The following SH3GL3 variants were observed in gnomAD, a reference collection of about 807,000 sequenced individuals.
SH3GL3 encodes the protein SH3 domain containing GRB2 like 3, endophilin A3.
Under a neutral mutation model 47.7 loss-of-function variants are expected in SH3GL3, and 33 were observed. The observed-to-expected ratio is 0.69, with a 90% CI of 0.52 to 0.92. SH3GL3 has a LOEUF of 0.92. Ranked by LOEUF, SH3GL3 falls within the 40% of genes least tolerant of loss-of-function variation. The pLI is 0.00. For missense variants in SH3GL3, 363 were observed against 417.8 expected (o/e 0.87, Z 1.14); for synonymous variants, 155 against 148.8 (o/e 1.04, Z -0.30).
At chr15:83,518,600 T>A (rs1356002873) in intron 1 of SH3GL3, among the ~76,000 whole-genome samples, 1 of 152,246 alleles carries the variant, frequency 6.6e-6, no homozygotes, top group East Asian at 1.9e-4. Flanking sequence ...GTTTTTTGCT[T>A]GTGCAATTGT....
chr15:83,589,921 G>A (rs2060050782), intron 8 of SH3GL3, among the ~76,000 whole-genome samples: 1 of 152,092 alleles, frequency 6.6e-6, no homozygotes, highest in Non-Finnish European at 1.5e-5. Context: ...ATTAAAGCAT[G>A]AACACCTGCT....
Position 83,472,720 on chromosome 15 carries a change from T to G in SH3GL3, c.45+25142T>G, listed in dbSNP as rs182768330. On this transcript the variant is annotated intron_variant, in intron 1 of 8. Transcript: ENST00000427482. ...GCATCTACTGATTGTCTTTTCTCAT[T>G]CAACTAGAAATCTTCCTGGGTCTTG... Among the ~76,000 whole-genome samples, 21 of 152,338 alleles carry G rather than the reference T, an allele frequency of 1.4e-4. No individual in the cohort carries two copies. The East Asian group carries it at 3.7e-3, about 27-fold the overall frequency.
chr15:83,473,898 C>T, intron 1 of SH3GL3, among the ~76,000 whole-genome samples: 1 of 150,356 alleles, frequency 6.7e-6, no homozygotes, highest in Non-Finnish European at 1.5e-5. Context: ...GTGTTGCTGG[C>T]TTCTTCAGCT....
chr15:83,605,840 G>A (rs2060501861), intron 8 of SH3GL3, among the ~76,000 whole-genome samples: 1 of 152,096 alleles, frequency 6.6e-6, no homozygotes, highest in Non-Finnish European at 1.5e-5. Flanking sequence ...AGGAGGCCAG[G>A]AAACATCCTT....
chr15:83,458,604 C>T (rs979975639), intron 1 of SH3GL3, among the ~76,000 whole-genome samples: 1 of 152,184 alleles, frequency 6.6e-6, no homozygotes, highest in African/African-American at 2.4e-5. Context: ...GTCCACCTTT[C>T]TTTCTTCTGG....
intron 1 of SH3GL3, among the ~76,000 whole-genome samples, chr15:83,506,098 G>A (rs1037629164): frequency 1.6e-4 from 24 of 151,740 alleles, no homozygotes; most frequent in Middle Eastern, 3.4e-3. Flanking sequence ...GGTTTTTTTC[G>A]TAGTTGATTT....
downstream of SH3GL3, among the ~76,000 whole-genome samples, chr15:83,620,850 T>G (rs1195162098): frequency 6.6e-6 from 1 of 152,374 alleles, no homozygotes; most frequent in Non-Finnish European, 1.5e-5. Flanking sequence ...CATCTTCCCA[T>G]GTAAGGCTAT....
chr15:83,521,996 G>A (rs528738169), intron 1 of SH3GL3, among the ~76,000 whole-genome samples: 4 of 152,194 alleles, frequency 2.6e-5, no homozygotes, highest in East Asian at 1.9e-4. Flanking sequence ...GTGCTATGTC[G>A]GGGAGAGGAC....
chr15:83,555,520 G>T (rs147268466), intron 1 of SH3GL3, among the ~76,000 whole-genome samples: 80 of 151,978 alleles, frequency 5.3e-4, no homozygotes, highest in Non-Finnish European at 9.6e-4. Flanking sequence ...CAAGGCCCCA[G>T]TACAAAACCG....
intron 8 of SH3GL3, among the ~76,000 whole-genome samples, chr15:83,602,515 A>G (rs536303800): frequency 2.4e-4 from 37 of 152,306 alleles, no homozygotes; most frequent in African/African-American, 7.9e-4. Flanking sequence ...TAAGGGCACA[A>G]ATCCTACTCA....
chr15:83,594,600 C>T (rs2060193073), intron 8 of SH3GL3, among the ~76,000 whole-genome samples: 1 of 152,192 alleles, frequency 6.6e-6, no homozygotes, highest in South Asian at 2.1e-4. Flanking sequence ...CCTCACATCT[C>T]CTTCGGCCTC....
intron 1 of SH3GL3, among the ~76,000 whole-genome samples, chr15:83,461,373 C>A (rs2040291188): frequency 6.6e-6 from 1 of 152,068 alleles, no homozygotes; most frequent in African/African-American, 2.4e-5. Context: ...CAAGATCAAA[C>A]AGAGCAACAG....
chr15:83,470,911 C>G (rs1443973883), intron 1 of SH3GL3, among the ~76,000 whole-genome samples: 1 of 152,046 alleles, frequency 6.6e-6, no homozygotes, highest in Non-Finnish European at 1.5e-5. Flanking sequence ...AACTAACCTC[C>G]CTTTGTCTTC....
chr15:83,584,735 G>A (rs985406276), intron 6 of SH3GL3, among the ~76,000 whole-genome samples: 1 of 152,204 alleles, frequency 6.6e-6, no homozygotes, highest in Non-Finnish European at 1.5e-5. Flanking sequence ...ACATTTTCAT[G>A]GGTGAGGTCA....
At chr15:83,512,492 C>A (rs528267254) in intron 1 of SH3GL3, among the ~76,000 whole-genome samples, 1 of 152,124 alleles carries the variant, frequency 6.6e-6, no homozygotes, top group Non-Finnish European at 1.5e-5. Flanking sequence ...CCTGGAAGCG[C>A]GCTGCTTTCT....
intron 1 of SH3GL3, among the ~76,000 whole-genome samples, chr15:83,549,079 G>A (rs1303915183): frequency 6.6e-6 from 1 of 151,906 alleles, no homozygotes; most frequent in Non-Finnish European, 1.5e-5. Context: ...CTTAATTTTA[G>A]TTATTGGATT....
At chr15:83,464,076 C>T (rs559650036) in intron 1 of SH3GL3, among the ~76,000 whole-genome samples, 2 of 152,224 alleles carry the variant, frequency 1.3e-5, no homozygotes, top group East Asian at 3.9e-4. Flanking sequence ...GCTTTCTTAT[C>T]TATTGTCTTC....
chr15:83,526,573 C>A (rs963377579), intron 1 of SH3GL3, among the ~76,000 whole-genome samples: 6 of 152,018 alleles, frequency 3.9e-5, no homozygotes, highest in African/African-American at 1.2e-4. Flanking sequence ...AACAAAAAAC[C>A]AAAAACTGCA....
intron 1 of SH3GL3, among the ~76,000 whole-genome samples, chr15:83,488,864 C>T (rs2041735483): frequency 6.6e-6 from 1 of 152,172 alleles, no homozygotes; most frequent in Non-Finnish European, 1.5e-5. Flanking sequence ...CTCTTGCTAC[C>T]CCTTTCCTCC....
Sources: gnomAD v4.1 joint callset for allele counts (sites outside exome capture counted in the v4.1 genomes callset) on GRCh38, gnomAD v4.1.1 for gene constraint, MANE v1.5 for transcripts, NCBI Gene and HGNC (gene_info 2026-07-23, HGNC 2026-07-21) for gene names.